Variants in PDE10A observed in about 807,000 individuals in gnomAD.
The protein encoded by PDE10A is cAMP and cAMP-inhibited cGMP 3',5'-cyclic phosphodiesterase 10A.
Under a neutral mutation model 97.7 loss-of-function variants are expected in PDE10A, and 39 were observed. That is an observed-to-expected ratio of 0.40 (90% CI 0.31 to 0.52). The LOEUF (loss-of-function observed/expected upper bound fraction) is 0.52, where lower values mean the gene tolerates loss of function less well. PDE10A is among the 20% of genes least tolerant of loss of function. PDE10A has a pLI of 0.56. For missense variants in PDE10A, 731 were observed against 1,047.8 expected (o/e 0.70, Z 4.17); for synonymous variants, 371 against 376.8 (o/e 0.98, Z 0.18).
At chr6:165,616,127 T>C (rs1787715809) in intron 1 of PDE10A, among the ~76,000 whole-genome samples, 2 of 151,948 alleles carry the variant, frequency 1.3e-5, no homozygotes, top group African/African-American at 4.8e-5. Flanking sequence ...TCCGAGTCGG[T>C]TGTGTTTCCG....
intron 1 of PDE10A, among the ~76,000 whole-genome samples, chr6:165,726,814 A>G (rs1792309349): frequency 6.6e-6 from 1 of 152,196 alleles, no homozygotes; most frequent in African/African-American, 2.4e-5. Context: ...CGTCTTAACC[A>G]GCCCAGTTGC....
chr6:165,970,672 A>G (rs1204373567), intron 1 of PDE10A, among the ~76,000 whole-genome samples: 1 of 152,206 alleles, frequency 6.6e-6, no homozygotes, highest in Non-Finnish European at 1.5e-5. Context: ...AAACTTTGAA[A>G]CAGTACCGAA....
intron 1 of PDE10A, among the ~76,000 whole-genome samples, chr6:165,921,920 C>T (rs1190698390): frequency 3.9e-5 from 6 of 152,248 alleles, no homozygotes; most frequent in East Asian, 1.9e-4. Flanking sequence ...TCACTCCTGC[C>T]GCTGCTGGGA....
intron 1 of PDE10A, among the ~76,000 whole-genome samples, chr6:165,656,837 G>A (rs1789994495): frequency 6.6e-6 from 1 of 152,208 alleles, no homozygotes. Flanking sequence ...GCCTGTCTGT[G>A]GGTGAGCGTG....
intron 1 of PDE10A, among the ~76,000 whole-genome samples, chr6:165,556,715 T>A (rs1191495691): frequency 6.6e-6 from 1 of 152,116 alleles, no homozygotes; most frequent in African/African-American, 2.4e-5. Context: ...GACAAGCATA[T>A]CGGCTATGAA....
At chr6:165,702,490 G>A (rs1214154478) in intron 1 of PDE10A, among the ~76,000 whole-genome samples, 1 of 152,172 alleles carries the variant, frequency 6.6e-6, no homozygotes, top group African/African-American at 2.4e-5. Flanking sequence ...TTGTCCTTCC[G>A]AGGACATGTG....
chr6:165,645,888 A>G (rs913270837), intron 1 of PDE10A, among the ~76,000 whole-genome samples: 4 of 149,218 alleles, frequency 2.7e-5, no homozygotes, highest in Admixed American at 6.7e-5. Context: ...CCTTTAGCCA[A>G]CTACTAATAT....
chr6:165,671,931 T>G lies in PDE10A; in HGVS notation c.-614-128363A>C, dbSNP rs1790658173. 1.3e-5 allele frequency among the ~76,000 whole-genome samples: 2 copies of G among 152,224 alleles called. No homozygotes were observed. Among genetic ancestry groups the G allele is most frequent in the African/African-American group, 4.8e-5 (2 of 41,458 alleles). On this transcript the variant is annotated intron_variant, in intron 1 of 19. Transcript: ENST00000366882. The surrounding 1 kb of genome is among the most constrained non-coding windows in gnomAD (Gnocchi z 4.6). ...CTCTATTTTATAGCGAAGTTATTAATATATGCCATGAAACTCTATCCCATC... is the reference window on the plus strand; with the variant it reads ...CTCTATTTTATAGCGAAGTTATTAAGATATGCCATGAAACTCTATCCCATC...
At chr6:165,740,046 T>C (rs761810293) in intron 1 of PDE10A, among the ~76,000 whole-genome samples, 1 of 152,134 alleles carries the variant, frequency 6.6e-6, no homozygotes, top group Non-Finnish European at 1.5e-5. Flanking sequence ...AAAAACAATA[T>C]GGAAGTTACT....
At chr6:165,642,130 C>G (rs1310895471) in intron 1 of PDE10A, among the ~76,000 whole-genome samples, 1 of 152,206 alleles carries the variant, frequency 6.6e-6, no homozygotes, top group Non-Finnish European at 1.5e-5. Flanking sequence ...AAAGATGTCT[C>G]CTACCCTTCA....
chr6:165,981,823 T>C (rs966898006), intron 1 of PDE10A, among the ~76,000 whole-genome samples: 4 of 152,014 alleles, frequency 2.6e-5, no homozygotes, highest in Non-Finnish European at 5.9e-5. Flanking sequence ...ATCAATGATG[T>C]AAATCACCCT....
chr6:165,614,139 T>G (rs575080851), intron 1 of PDE10A, among the ~76,000 whole-genome samples: 23 of 152,348 alleles, frequency 1.5e-4, no homozygotes, highest in African/African-American at 5.5e-4. Flanking sequence ...CTAAACACTT[T>G]GCTGGTTTAG....
intron 1 of PDE10A, among the ~76,000 whole-genome samples, chr6:165,766,598 C>T (rs1305625680): frequency 6.6e-6 from 1 of 152,144 alleles, no homozygotes; most frequent in Non-Finnish European, 1.5e-5. Context: ...GTTTTTAATG[C>T]CCTCGCTTTT....
intron 1 of PDE10A, among the ~76,000 whole-genome samples, chr6:165,864,973 C>T (rs1310643055): frequency 6.6e-6 from 1 of 152,196 alleles, no homozygotes; most frequent in African/African-American, 2.4e-5. Flanking sequence ...TGACTTTACT[C>T]TTTAAAATAT....
intron 1 of PDE10A, among the ~76,000 whole-genome samples, chr6:165,552,413 C>T (rs1784062196): frequency 6.6e-6 from 1 of 152,152 alleles, no homozygotes; most frequent in African/African-American, 2.4e-5. Context: ...AAAGACCAGG[C>T]CACTGTGCCT....
At chr6:165,926,021 G>A (rs1278311797) in intron 1 of PDE10A, among the ~76,000 whole-genome samples, 2 of 152,118 alleles carry the variant, frequency 1.3e-5, no homozygotes, top group African/African-American at 2.4e-5. Context: ...TTTTACAATT[G>A]CATAAAAATC....
intron 18 of PDE10A, among the ~76,000 whole-genome samples, chr6:165,374,233 T>G (rs1160818322): frequency 1.3e-5 from 2 of 151,600 alleles, no homozygotes; most frequent in East Asian, 1.9e-4. Context: ...AGTATGATAA[T>G]AATAATAAAA....
chr6:165,842,497 C>T (rs1439777409), intron 1 of PDE10A, among the ~76,000 whole-genome samples: 1 of 152,250 alleles, frequency 6.6e-6, no homozygotes, highest in African/African-American at 2.4e-5. Flanking sequence ...CACCCACTGA[C>T]TGTAACTTTT....
intron 5 of PDE10A, among the ~76,000 whole-genome samples, chr6:165,439,304 C>T (rs1214701901): frequency 1.3e-5 from 2 of 152,106 alleles, no homozygotes; most frequent in East Asian, 3.9e-4. Context: ...TCCTGCTCTA[C>T]TACTGTATAA....
Sources: allele counts gnomAD v4.1 joint callset (sites outside exome capture counted in the v4.1 genomes callset), GRCh38; gene constraint gnomAD v4.1.1; non-coding constraint Gnocchi (gnomAD v3.1); transcripts MANE v1.5; gene names NCBI Gene and HGNC (gene_info 2026-07-23, HGNC 2026-07-21).